The following PXDNL variants were observed in gnomAD, a reference collection of about 807,000 sequenced individuals.
PXDNL encodes the protein peroxidasin like.
Under a neutral mutation model 150.8 loss-of-function variants are expected in PXDNL, and 145 were observed. The observed-to-expected ratio is 0.96, with a 90% CI of 0.84 to 1.10. The LOEUF is 1.10. Among genes scored for constraint, PXDNL ranks in the 50% least tolerant of loss-of-function variants. PXDNL has a pLI of 0.00. For missense variants in PXDNL, 2,087 were observed against 1,873.9 expected (o/e 1.11, Z -2.10); for synonymous variants, 757 against 725.7 (o/e 1.04, Z -0.69).
At position 51,473,745 on chromosome 8, in the gene PXDNL, T is replaced by TAA. The variant is rs58652177; in HGVS notation, c.694+1225_694+1226dup. Among the ~76,000 whole-genome samples, 26 of 129,924 alleles carry TAA rather than the reference T, an allele frequency of 2.0e-4. 1 individual carries two copies. In the East Asian group the frequency reaches 3.4e-3, roughly 17 times the overall value. 85.2% of individuals were successfully genotyped at this position (129,924 alleles called of 152,430 possible). A position where few individuals can be genotyped will look rare whatever the true frequency, so the allele number is the denominator to read the frequency against. Reference sequence around the variant, plus strand: ...ATACCCTAAAACTTAATGTCTAATTTAAAAAAAAAAAAAAAAAACAGTAAG... The same window carrying TAA: ...ATACCCTAAAACTTAATGTCTAATTTAAAAAAAAAAAAAAAAAAAACAGTAAG... On this transcript the variant is annotated intron_variant, in intron 7 of 22. Coordinates refer to ENST00000356297, the MANE Select transcript of PXDNL (RefSeq NM_144651.5).
At chr8:51,450,224 C>G (rs1809772348) in intron 10 of PXDNL, among the ~76,000 whole-genome samples, 1 of 152,174 alleles carries the variant, frequency 6.6e-6, no homozygotes, top group Admixed American at 6.5e-5. Flanking sequence ...TGAGAACAAC[C>G]AGGGGTCACT....
intron 19 of PXDNL, among the ~76,000 whole-genome samples, chr8:51,346,578 G>A (rs1806165952): frequency 6.6e-6 from 1 of 152,228 alleles, no homozygotes; most frequent in South Asian, 2.1e-4. Flanking sequence ...CTGTTGAGAT[G>A]TAATTCCCAG....
chr8:51,545,461 T>C (rs1812337541), intron 4 of PXDNL, among the ~76,000 whole-genome samples: 1 of 151,642 alleles, frequency 6.6e-6, no homozygotes, highest in South Asian at 2.1e-4. Flanking sequence ...TGTCTTAGTT[T>C]GTTTTGTACT....
At chr8:51,457,759 T>C in intron 8 of PXDNL, 92 bp from the exon 9 acceptor site, 1 of 825,838 alleles carries the variant, frequency 1.2e-6, no homozygotes, top group African/African-American at 1.7e-5. Flanking sequence ...TATAGCTATG[T>C]TTCATGTCTA....
At chr8:51,350,163 TG>T (rs1806292076) in intron 19 of PXDNL, among the ~76,000 whole-genome samples, 1 of 151,930 alleles carries the variant, frequency 6.6e-6, no homozygotes, top group African/African-American at 2.4e-5. Context: ...TTCCTTATGC[TG>T]GGAAAGCTGG....
rs139870929 is a variant in PXDNL at position 51,649,122 on chromosome 8, T to G, written c.236+5567A>C. On this transcript the variant is annotated intron_variant, in intron 2 of 22. Transcript: ENST00000356297. ...ATTTTTAAAGAAAAGCTAGTAAAAT[T>G]TCCGTGTCAAACAACATGCTTTAAG... Among the ~76,000 whole-genome samples the G allele has an allele frequency of 2.0e-5, 3 of 152,304 alleles. No individual in the cohort carries two copies. In the East Asian group the frequency reaches 5.8e-4, roughly 29 times the overall value.
rs1377242572 is a variant in PXDNL, at chr8:51,453,542, G to T, written c.1226C>A (p.Ala409Asp). 6.2e-7 allele frequency: 1 copy of T among 1,614,028 alleles called. No homozygotes were observed. Among genetic ancestry groups the T allele is most frequent in the East Asian group, 2.2e-5 (1 of 44,888 alleles). Residue 409 changes from alanine (A) to aspartate (D), a missense_variant, in exon 10 of 23, where the codon GCT becomes GAT. Transcript: ENST00000356297. Reference protein sequence around the residue: ...HANNSHGTVQAAANIIVQAPP... With the variant: ...HANNSHGTVQDAANIIVQAPP... ...ACCTTGTACAATTATGTTTGCTGCA[G>T]CTTGAACAGTGCCGTGGCTATTGTT...
At chr8:51,710,993 A>C (rs1490661026) in intron 1 of PXDNL, among the ~76,000 whole-genome samples, 1 of 152,220 alleles carries the variant, frequency 6.6e-6, no homozygotes, top group Non-Finnish European at 1.5e-5. Context: ...TATGTGTTCA[A>C]CGTAGAACTG....
At chr8:51,379,993 A>G (rs951555242) in intron 17 of PXDNL, among the ~76,000 whole-genome samples, 3 of 152,094 alleles carry the variant, frequency 2.0e-5, no homozygotes, top group African/African-American at 7.2e-5. Flanking sequence ...TTTCTATTCT[A>G]TTCTATTGTC....
intron 1 of PXDNL, among the ~76,000 whole-genome samples, chr8:51,696,693 CCACACACATCCA>C (rs1816138909): frequency 1.8e-5 from 2 of 109,306 alleles, no homozygotes; most frequent in Non-Finnish European, 4.0e-5. Context: ...ACACACAGGT[CCACACACATCCA>C]CACACAGGTT....
At chr8:51,776,196 A>C (rs1436282414) in intron 1 of PXDNL, among the ~76,000 whole-genome samples, 3 of 152,178 alleles carry the variant, frequency 2.0e-5, no homozygotes, top group Non-Finnish European at 2.9e-5. Context: ...CTTCATTAGC[A>C]ATTTTAATTT....
chr8:51,366,827 G>A (rs1220243698), intron 19 of PXDNL, among the ~76,000 whole-genome samples: 2 of 152,056 alleles, frequency 1.3e-5, no homozygotes, highest in African/African-American at 4.8e-5. Flanking sequence ...AATAAACCGG[G>A]TGTGGTGGCT....
intron 1 of PXDNL, among the ~76,000 whole-genome samples, chr8:51,678,017 A>G (rs951839239): frequency 2.2e-4 from 34 of 152,224 alleles, no homozygotes; most frequent in African/African-American, 8.0e-4. Context: ...ATAACTAAGA[A>G]GGGCCATAAA....
At chr8:51,356,441 A>G (rs1806510114) in intron 19 of PXDNL, among the ~76,000 whole-genome samples, 1 of 151,134 alleles carries the variant, frequency 6.6e-6, no homozygotes, top group African/African-American at 2.4e-5. Flanking sequence ...GTGAGCCGAG[A>G]TTGCCCCATT....
intron 12 of PXDNL, among the ~76,000 whole-genome samples, chr8:51,446,275 A>T (rs1809670257): frequency 6.6e-6 from 1 of 152,250 alleles, no homozygotes; most frequent in African/African-American, 2.4e-5. Context: ...ATACGTCAGA[A>T]CAAATTGTAG....
chr8:51,335,770 A>C lies in PXDNL; in HGVS notation c.4146+3854T>G, dbSNP rs528698629. On this transcript the variant is annotated intron_variant, in intron 21 of 22. Transcript: ENST00000356297. Reference sequence around the variant, plus strand: ...TAAACTAGATACAATCTCAAATAGAAATAATAAAATGTTCTGAGTGTAATT... The same window carrying C: ...TAAACTAGATACAATCTCAAATAGACATAATAAAATGTTCTGAGTGTAATT... Among the ~76,000 whole-genome samples the C allele has an allele frequency of 2.9e-4, 44 of 151,828 alleles. No homozygotes were observed. In the South Asian group the frequency reaches 8.8e-3, roughly 30 times the overall value.
chr8:51,432,225 A>C (rs1809265693), intron 12 of PXDNL, among the ~76,000 whole-genome samples: 1 of 152,208 alleles, frequency 6.6e-6, no homozygotes, highest in African/African-American at 2.4e-5. Flanking sequence ...TATTACTGAG[A>C]AGCCATAGTT....
At chr8:51,686,012 T>G (rs1054529099) in intron 1 of PXDNL, among the ~76,000 whole-genome samples, 2 of 152,194 alleles carry the variant, frequency 1.3e-5, no homozygotes, top group African/African-American at 4.8e-5. Flanking sequence ...TCCCATTGAG[T>G]AAATTCAAAT....
chr8:51,445,986 TAA>T (rs35565640), intron 12 of PXDNL, among the ~76,000 whole-genome samples: 4 of 145,422 alleles, frequency 2.8e-5, no homozygotes, highest in African/African-American at 5.0e-5. Flanking sequence ...CAACTTCCTT[TAA>T]AAAAAAAAAA....
Sources: allele counts gnomAD v4.1 joint callset (sites outside exome capture counted in the v4.1 genomes callset), GRCh38; gene constraint gnomAD v4.1.1; transcripts MANE v1.5; gene names NCBI Gene and HGNC (gene_info 2026-07-23, HGNC 2026-07-21).